PRPF8: variants seen among roughly 807,000 people sequenced by gnomAD.
PRPF8 encodes pre-mRNA processing factor 8, also known as pre-mRNA-processing-splicing factor 8.
PRPF8 carries 64 observed loss-of-function variants against 285.9 expected under a neutral mutation model. The ratio of observed to expected loss-of-function variants is 0.22; its 90% CI spans 0.18 to 0.28. The LOEUF is 0.28. Among genes scored for constraint, PRPF8 ranks in the 10% least tolerant of loss-of-function variants. The pLI, the probability that PRPF8 is intolerant of heterozygous loss-of-function variation, is 1.00. For synonymous variants in PRPF8, 1,325 were observed against 1,118.2 expected (o/e 1.18, Z -3.69); for missense variants, 1,426 against 3,026.7 (o/e 0.47, Z 12.41).
chr17:1,655,240 G>A (rs973347085), intron 37 of PRPF8, 110 bp downstream of exon 37: 2 of 1,243,208 alleles, frequency 1.6e-6, no homozygotes, highest in African/African-American at 1.5e-5. Context: ...TTACAGGCAT[G>A]AGCCACCGCG....
rs1567679998 is a variant in PRPF8 at position 1,661,475 on chromosome 17, C to T, written c.4203-69G>A. 11 of 1,612,022 alleles carry T rather than the reference C, an allele frequency of 6.8e-6. No homozygotes were observed. Among genetic ancestry groups the T allele is most frequent in the Non-Finnish European group, 9.3e-6 (11 of 1,179,224 alleles). On this transcript the variant is annotated intron_variant, in intron 26 of 42. Coordinates refer to ENST00000304992, the MANE Select transcript of PRPF8 (RefSeq NM_006445.4). The surrounding 1 kb of genome is among the most constrained non-coding windows in gnomAD (Gnocchi z 7.3). ...GAGGAGCTCAGCACTCCTTCCTGGC[C>T]AAAAATAATTAGGGTCAGTAGAACC...
At chr17:1,680,866 C>T (rs376594358) in intron 7 of PRPF8, 35 bp from the exon 8 acceptor site, 21 of 1,613,904 alleles carry the variant, frequency 1.3e-5, no homozygotes, top group South Asian at 9.9e-5. Context: ...AAAGTTTTCC[C>T]GCCCTGGCCC....
chr17:1,665,704 G>A (rs1911936355), intron 24 of PRPF8, among the ~76,000 whole-genome samples: 1 of 150,476 alleles, frequency 6.6e-6, no homozygotes, highest in Non-Finnish European at 1.5e-5. Flanking sequence ...AAATTAGCCG[G>A]GTGCGGTGGC....
chr17:1,666,619 G>C (rs1912001945), intron 24 of PRPF8, among the ~76,000 whole-genome samples: 1 of 151,770 alleles, frequency 6.6e-6, no homozygotes, highest in South Asian at 2.1e-4. Context: ...CTGTTTCTTT[G>C]AAAAGCTGAA....
chr17:1,681,640 A>G lies in PRPF8; in HGVS notation c.704T>C (p.Met235Thr), dbSNP rs1477573441. ...YQRWQFTLPM[M>T]STLYRLANQL... ...ATTAGCCAGGCGGTAGAGAGTCGAC[A>G]TCATAGGTAGTGTGAACTGCCAGCG... Residue 235 changes from methionine to threonine, a missense_variant, in exon 6 of 43, where the codon ATG (methionine) becomes ACG (threonine). Met to Thr is a moderately conservative substitution (Grantham distance 81). Transcript: ENST00000304992. 1 of 1,614,174 alleles carries G rather than the reference A, an allele frequency of 6.2e-7. No homozygotes were observed. The highest frequency in any genetic ancestry group is 8.5e-7 in the Non-Finnish European group (1 of 1,180,028).
At position 1,680,968 on chromosome 17, in the gene PRPF8, T is replaced by A. The variant is rs1419709532; in HGVS notation, c.953A>T (p.Tyr318Phe). Residue 318 changes from tyrosine (Y) to phenylalanine (F), a missense_variant, in exon 7 of 43, where the codon TAC (tyrosine) becomes TTC (phenylalanine). By Grantham distance (22) the Tyr-to-Phe change is conservative. This residue lies in a region of PRPF8 where 157 missense variants were observed against 159.6 expected (regional missense o/e 0.98). Transcript: ENST00000304992. ...IRTEYKIAFP[Y>F]LYNNLPHHVH... ...ATGGTGTGGAAGATTGTTGTACAAG[T>A]AAGGAAAAGCAATCTTGTACTCAGT... is the stretch of plus-strand genomic sequence containing the variant. 1 of 1,613,812 alleles carries A rather than the reference T, an allele frequency of 6.2e-7. No individual in the cohort carries two copies. The highest frequency in any genetic ancestry group is 8.5e-7 in the Non-Finnish European group (1 of 1,179,726).
At chr17:1,669,427 C>A (rs531693111) in intron 24 of PRPF8, among the ~76,000 whole-genome samples, 2 of 152,120 alleles carry the variant, frequency 1.3e-5, no homozygotes, top group Non-Finnish European at 2.9e-5. Flanking sequence ...TTCTCTTGTA[C>A]ACTCAACTGC....
chr17:1,666,056 A>G (rs1911963456), intron 24 of PRPF8, among the ~76,000 whole-genome samples: 2 of 150,194 alleles, frequency 1.3e-5, no homozygotes, highest in African/African-American at 4.9e-5. Context: ...AGTCCCAGCT[A>G]CTTGGGAGCT....
intron 36 of PRPF8, among the ~76,000 whole-genome samples, chr17:1,656,081 C>T (rs1025467543): frequency 2.6e-5 from 4 of 151,972 alleles, no homozygotes; most frequent in African/African-American, 4.8e-5. Flanking sequence ...CCAGCACACT[C>T]GGCTAATTTT....
chr17:1,658,896 G>T lies in PRPF8; in HGVS notation c.5139-133C>A. 1 of 815,372 alleles carries T rather than the reference G, an allele frequency of 1.2e-6. No individual in the cohort carries two copies. Among genetic ancestry groups the T allele is most frequent in the Non-Finnish European group, 2.1e-6 (1 of 476,240 alleles). 50.5% of individuals were successfully genotyped at this position (815,372 alleles called of 1,614,324 possible). A position where few individuals can be genotyped will look rare whatever the true frequency, so the allele number is the denominator to read the frequency against. On this transcript the variant is annotated intron_variant, in intron 32 of 42. Transcript: ENST00000304992. The surrounding 1 kb of genome is among the most constrained non-coding windows in gnomAD (Gnocchi z 4.1). ...ACACTCTGCTCATGTGTACATACAG[G>T]CTGGAGAAGAGAATCAGTGACCCAT...
chr17:1,659,275 C>T lies in PRPF8; in HGVS notation c.5138+82G>A, dbSNP rs139006008. The T allele has an allele frequency of 3.6e-4, 535 of 1,499,552 alleles. No homozygotes were observed. In the African/African-American group the frequency reaches 6.4e-3, roughly 18 times the overall value. The allele number at this position is 1,499,552 out of a possible 1,614,324, so 92.9% of individuals were successfully genotyped here. A position where few individuals can be genotyped will look rare whatever the true frequency, so the allele number is the denominator to read the frequency against. The stretch of plus-strand genomic sequence containing the variant: ...TCCTGAGCTCAGACAATCTGCCCAC[C>T]GCGGCCTCCCAAAGTGCTGGGATTA... On this transcript the variant is annotated intron_variant, in intron 32 of 42. Coordinates refer to ENST00000304992, the MANE Select transcript of PRPF8 (RefSeq NM_006445.4). This position sits in a 1 kb window ranked among gnomAD's most constrained non-coding sequence, Gnocchi z 5.1.
At chr17:1,677,845 G>A in intron 13 of PRPF8, 151 bp from the exon 14 acceptor site, 1 of 983,378 alleles carries the variant, frequency 1.0e-6, no homozygotes, top group Non-Finnish European at 1.5e-6. Flanking sequence ...AAAAACTCTG[G>A]GACCTCAACA....
chr17:1,665,869 G>C (rs1200395332), intron 24 of PRPF8, among the ~76,000 whole-genome samples: 2 of 147,370 alleles, frequency 1.4e-5, no homozygotes, highest in Non-Finnish European at 3.0e-5. Flanking sequence ...AAGAAAAAGA[G>C]AAAGGTCCAG....
In PRPF8 at chr17:1,659,898, A is replaced by T; in HGVS notation, c.4889T>A (p.Leu1630Gln). ...ATTCCACTTATAGGAGGCAAAGAGC[A>T]GGATATCTGCACAGGAAGAGTTCAT... Reference protein sequence around the residue: ...YKMNSSCADILLFASYKWNVS... With the variant: ...YKMNSSCADIQLFASYKWNVS... The change falls in exon 31 of 43, where the codon CTG becomes CAG. Residue 1630 changes from leucine (L) to glutamine (Q), a missense_variant. This residue lies in a region of PRPF8 where 74 missense variants were observed against 161.8 expected (regional missense o/e 0.46). Coordinates refer to ENST00000304992, the MANE Select transcript of PRPF8 (RefSeq NM_006445.4). This position sits in a 1 kb window ranked among gnomAD's most constrained non-coding sequence, Gnocchi z 5.1. 6.2e-7 allele frequency: 1 copy of T among 1,614,218 alleles called. No homozygotes were observed. The highest frequency in any genetic ancestry group is 8.5e-7 in the Non-Finnish European group (1 of 1,180,034).
In PRPF8 at chr17:1,651,973, G is replaced by C. The variant is rs998193915; in HGVS notation, c.6370-185C>G. Reference sequence around the variant, plus strand: ...AAATGTTAGACATGGACCTCATCGCGGACTTACCACATCAGAATCTCCTGA... The same window carrying C: ...AAATGTTAGACATGGACCTCATCGCCGACTTACCACATCAGAATCTCCTGA... On this transcript the variant is annotated intron_variant, in intron 39 of 42. Transcript: ENST00000304992. The surrounding 1 kb of genome is among the most constrained non-coding windows in gnomAD (Gnocchi z 5.1). 11 of 738,570 alleles carry C rather than the reference G, an allele frequency of 1.5e-5. No homozygotes were observed. Among genetic ancestry groups the C allele is most frequent in the Non-Finnish European group, 2.3e-5 (10 of 432,344 alleles). The allele number at this position is 738,570 out of a possible 1,614,324, so 45.8% of individuals were successfully genotyped here.
Position 1,684,530 on chromosome 17 carries a change from C to A in PRPF8, c.42G>T (p.Val14=), listed in dbSNP as rs933902745. The A allele has an allele frequency of 1.9e-6, 3 of 1,612,478 alleles. No homozygotes were observed. Among genetic ancestry groups the A allele is most frequent in the Admixed American group, 3.3e-5 (2 of 60,002 alleles). ...VFPYRGPGNP[V]PGPLAPLPDY... is the part of the protein sequence containing the mutation. ...CCGGTAGCGGGGCTAGAGGGCCAGGCACCGGGTTACCCGGCCCTCGATAAG... is the reference window on the plus strand; with the variant it reads ...CCGGTAGCGGGGCTAGAGGGCCAGGAACCGGGTTACCCGGCCCTCGATAAG... Residue 14 remains valine, a synonymous_variant, in exon 2 of 43, where the codon GTG becomes GTT. Transcript: ENST00000304992.
rs1912876414 is a variant in PRPF8 at position 1,680,843 on chromosome 17, G to C, written c.993-12C>G. 1.2e-6 allele frequency: 2 copies of C among 1,613,898 alleles called. No homozygotes were observed. On this transcript the variant is annotated splice_polypyrimidine_tract_variant and intron_variant, in intron 7 of 42. Coordinates refer to ENST00000304992, the MANE Select transcript of PRPF8 (RefSeq NM_006445.4). ...TGGGAGTATGGTACCTAAAATGAAA[G>C]GAAGAGTCAGCCAAAGTTTTCCCGC... is the stretch of plus-strand genomic sequence containing the variant.
In PRPF8 at chr17:1,656,456, G is replaced by A; in HGVS notation, c.5729C>T (p.Thr1910Ile). The A allele has an allele frequency of 6.2e-7, 1 of 1,614,242 alleles. No homozygotes were observed. Among genetic ancestry groups the A allele is most frequent in the Non-Finnish European group, 8.5e-7 (1 of 1,180,054 alleles). Reference sequence around the variant, plus strand: ...GTTGAAGAGAACCATCTGGGGCTCAGTGGCTTTAAGGATGAGATCCCCGAA... The same window carrying A: ...GTTGAAGAGAACCATCTGGGGCTCAATGGCTTTAAGGATGAGATCCCCGAA... Reference protein sequence around the residue: ...EKFGDLILKATEPQMVLFNLY... With the variant: ...EKFGDLILKAIEPQMVLFNLY... Residue 1910 changes from threonine to isoleucine, a missense_variant, in exon 36 of 43, where the codon ACT becomes ATT. By Grantham distance (89) the Thr-to-Ile change is moderately conservative. Around this residue, in one of 34 missense-constraint regions of PRPF8, gnomAD observed 29 missense variants for 86.4 expected, o/e 0.34. Transcript: ENST00000304992.
At position 1,680,912 on chromosome 17, in the gene PRPF8, T is replaced by C; in HGVS notation, c.992+17A>G. On this transcript the variant is annotated intron_variant, in intron 7 of 42. Coordinates refer to ENST00000304992, the MANE Select transcript of PRPF8 (RefSeq NM_006445.4). ...GCAGCCTTCTCCTTTCCAAATGTTG[T>C]GTTCCAGGTCTCTTACCAGGTGAGG... 1.2e-6 allele frequency: 2 copies of C among 1,614,172 alleles called. No homozygotes were observed. Among genetic ancestry groups the C allele is most frequent in the Non-Finnish European group, 1.7e-6 (2 of 1,180,022 alleles).
Sources: gnomAD v4.1 joint callset for allele counts (sites outside exome capture counted in the v4.1 genomes callset) on GRCh38, gnomAD v4.1.1 for gene constraint, gnomAD v4.1.1 regional missense constraint, Gnocchi (gnomAD v3.1) non-coding constraint, MANE v1.5 for transcripts, NCBI Gene and HGNC (gene_info 2026-07-23, HGNC 2026-07-21) for gene names.